Variants in NPAS3 observed in about 807,000 individuals in gnomAD.
The protein encoded by NPAS3 is neuronal PAS domain protein 3.
Under a neutral mutation model 73.1 loss-of-function variants are expected in NPAS3, and 14 were observed. That is an observed-to-expected ratio of 0.19 (90% CI 0.13 to 0.30). The LOEUF is 0.30. NPAS3 is among the 10% of genes least tolerant of loss of function. The pLI, the probability that NPAS3 is intolerant of heterozygous loss-of-function variation, is 1.00. For synonymous variants in NPAS3, 620 were observed against 541.5 expected (o/e 1.14, Z -2.01); for missense variants, 1,096 against 1,250.0 (o/e 0.88, Z 1.86).
chr14:33,606,219 C>T (rs180843942), intron 5 of NPAS3, among the ~76,000 whole-genome samples: 2,050 of 123,220 alleles, frequency 0.017, 64 homozygotes, highest in African/African-American at 0.059. Context: ...CTATCCCTCC[C>T]CCCCTCCCCC....
chr14:33,773,576 G>C (rs945056444), intron 7 of NPAS3, among the ~76,000 whole-genome samples: 1 of 152,160 alleles, frequency 6.6e-6, no homozygotes, highest in African/African-American at 2.4e-5. Flanking sequence ...GCTTGGTTCC[G>C]GGTGGCCTGG....
chr14:33,189,244 G>A (rs1298320134), intron 2 of NPAS3, among the ~76,000 whole-genome samples: 1 of 152,158 alleles, frequency 6.6e-6, no homozygotes, highest in African/African-American at 2.4e-5. Context: ...TGCCCTATCG[G>A]TGCCAAAAGT....
At chr14:33,458,124 A>C (rs929636683) in intron 4 of NPAS3, among the ~76,000 whole-genome samples, 6 of 152,196 alleles carry the variant, frequency 3.9e-5, no homozygotes, top group African/African-American at 7.2e-5. Flanking sequence ...CGGTTGTCCA[A>C]ATTACTTCAG....
intron 4 of NPAS3, among the ~76,000 whole-genome samples, chr14:33,465,781 C>T (rs1032523213): frequency 7.2e-5 from 11 of 151,986 alleles, no homozygotes; most frequent in Non-Finnish European, 7.4e-5. Context: ...TTTTCCCTTG[C>T]TTTAATTCAG....
chr14:33,782,263 G>A (rs2063000300), intron 9 of NPAS3, among the ~76,000 whole-genome samples: 1 of 152,162 alleles, frequency 6.6e-6, no homozygotes, highest in Non-Finnish European at 1.5e-5. Context: ...TTGCTCAGGA[G>A]GTACTGGCTT....
At chr14:33,710,074 CATCTT>C (rs1256273215) in intron 6 of NPAS3, among the ~76,000 whole-genome samples, 1 of 152,220 alleles carries the variant, frequency 6.6e-6, no homozygotes, top group African/African-American at 2.4e-5. Context: ...TATTTGCACT[CATCTT>C]ATGTTAGTGA....
intron 4 of NPAS3, among the ~76,000 whole-genome samples, chr14:33,418,048 GA>G (rs201427109): frequency 1.9e-5 from 2 of 107,144 alleles, no homozygotes; most frequent in African/African-American, 9.6e-5. Context: ...AGCAATGCAG[GA>G]TTTTTTTTTT....
intron 1 of NPAS3, among the ~76,000 whole-genome samples, chr14:33,026,981 G>T (rs1316085934): frequency 6.6e-6 from 1 of 152,104 alleles, no homozygotes; most frequent in East Asian, 1.9e-4. Flanking sequence ...GACTCTCTAG[G>T]ATCTGCCAGC....
chr14:33,510,153 G>C (rs1315222819), intron 4 of NPAS3, among the ~76,000 whole-genome samples: 1 of 152,078 alleles, frequency 6.6e-6, no homozygotes, highest in African/African-American at 2.4e-5. Context: ...GGTTGGAAAA[G>C]CAGTTTGTTC....
At chr14:33,391,377 G>A (rs1479386907) in intron 4 of NPAS3, among the ~76,000 whole-genome samples, 3 of 151,986 alleles carry the variant, frequency 2.0e-5, no homozygotes, top group African/African-American at 7.2e-5. Flanking sequence ...ATTTTTAGTA[G>A]AGATGGGGTT....
intron 4 of NPAS3, among the ~76,000 whole-genome samples, chr14:33,544,787 A>ATT (rs1195322035): frequency 5.7e-4 from 29 of 50,678 alleles, no homozygotes; most frequent in African/African-American, 1.4e-3. Flanking sequence ...ATGTGTGTGT[A>ATT]TTATATATAT....
At chr14:33,092,236 C>A (rs1324460737) in intron 2 of NPAS3, among the ~76,000 whole-genome samples, 1 of 151,956 alleles carries the variant, frequency 6.6e-6, no homozygotes, top group Non-Finnish European at 1.5e-5. Flanking sequence ...CGTCTCAGCC[C>A]AAAATCTCCT....
At chr14:33,041,219 G>A (rs1041681473) in intron 1 of NPAS3, among the ~76,000 whole-genome samples, 3 of 152,122 alleles carry the variant, frequency 2.0e-5, no homozygotes, top group African/African-American at 7.2e-5. Flanking sequence ...TCACTGTCCT[G>A]TATATCTAAT....
At position 33,784,755 on chromosome 14, in the gene NPAS3, T is replaced by A. The variant is rs946396669; in HGVS notation, c.1153+6183T>A. On this transcript the variant is annotated intron_variant, in intron 9 of 11. Coordinates refer to ENST00000356141, the Ensembl canonical transcript of NPAS3. Reference sequence around the variant, plus strand: ...TTTATTTATTTATTTATTTTTTTTTTTTTTTTTTTTTTGAGACAGAGTTTC... The same window carrying A: ...TTTATTTATTTATTTATTTTTTTTTATTTTTTTTTTTTGAGACAGAGTTTC... Among the ~76,000 whole-genome samples the A allele has an allele frequency of 2.6e-4, 32 of 125,084 alleles. 1 individual carries two copies. Among genetic ancestry groups the A allele is most frequent in the African/African-American group, 8.8e-4 (28 of 31,694 alleles). The allele number at this position is 125,084 out of a possible 152,430, so 82.1% of individuals were successfully genotyped here. A position where few individuals can be genotyped will look rare whatever the true frequency, so the allele number is the denominator to read the frequency against.
chr14:33,725,124 CT>C (rs1331838511), intron 6 of NPAS3, among the ~76,000 whole-genome samples: 6 of 152,112 alleles, frequency 3.9e-5, no homozygotes, highest in Admixed American at 1.3e-4. Flanking sequence ...ATTTATTCCC[CT>C]AACAATGTCT....
chr14:33,788,799 T>G (rs2063258039), intron 9 of NPAS3, among the ~76,000 whole-genome samples: 2 of 152,136 alleles, frequency 1.3e-5, no homozygotes, highest in South Asian at 4.1e-4. Flanking sequence ...GAAATCCCTC[T>G]GTTGGTAACT....
intron 4 of NPAS3, among the ~76,000 whole-genome samples, chr14:33,414,475 A>G (rs1195118070): frequency 2.6e-5 from 4 of 152,124 alleles, no homozygotes; most frequent in Admixed American, 2.0e-4. Context: ...TTCAACCTTT[A>G]ATTGAAAATA....
At chr14:33,408,525 A>C (rs2047769754) in intron 4 of NPAS3, among the ~76,000 whole-genome samples, 1 of 152,144 alleles carries the variant, frequency 6.6e-6, no homozygotes, top group African/African-American at 2.4e-5. Flanking sequence ...GCCATTGGCC[A>C]CCATCCAAAC....
intron 2 of NPAS3, among the ~76,000 whole-genome samples, chr14:33,161,055 C>T (rs1443313079): frequency 5.3e-5 from 8 of 152,120 alleles, no homozygotes; most frequent in Non-Finnish European, 7.4e-5. Flanking sequence ...CTTTAGTATG[C>T]GTTCATGTAC....
Sources: allele counts gnomAD v4.1 joint callset (sites outside exome capture counted in the v4.1 genomes callset), GRCh38; gene constraint gnomAD v4.1.1; transcripts MANE v1.5; gene names NCBI Gene and HGNC (gene_info 2026-07-23, HGNC 2026-07-21).